The following FSTL5 variants were observed in gnomAD, a reference collection of about 807,000 sequenced individuals.
FSTL5 encodes the protein follistatin like 5.
In FSTL5, 62 loss-of-function variants were observed where a neutral mutation model predicts 89.1. The observed-to-expected ratio is 0.70, with a 90% CI of 0.57 to 0.86. FSTL5 has a LOEUF of 0.86. Ranked by LOEUF, FSTL5 falls within the 40% of genes least tolerant of loss-of-function variation. The probability of loss-of-function intolerance (pLI) is 0.00; values close to 1 mark genes in which losing one functional copy is unlikely to be tolerated. For synonymous variants in FSTL5, 383 were observed against 346.2 expected, an observed-to-expected ratio of 1.11 and a Z score of -1.18; for missense variants, 1,057 against 1,001.6, an observed-to-expected ratio of 1.06 and a Z score of -0.75.
At chr4:161,976,738 C>T (rs1260681109) in intron 3 of FSTL5, among the ~76,000 whole-genome samples, 1 of 152,146 alleles carries the variant, frequency 6.6e-6, no homozygotes, top group Non-Finnish European at 1.5e-5. Flanking sequence ...GCCTCAGCCT[C>T]CCAAAGTGCT....
chr4:161,815,353 T>C (rs1730291165), intron 4 of FSTL5, among the ~76,000 whole-genome samples: 1 of 152,088 alleles, frequency 6.6e-6, no homozygotes, highest in Non-Finnish European at 1.5e-5. Context: ...AAATAGTGTG[T>C]TGCCTCTTTT....
chr4:161,950,628 G>A (rs919646167), intron 3 of FSTL5, among the ~76,000 whole-genome samples: 1 of 152,128 alleles, frequency 6.6e-6, no homozygotes, highest in Non-Finnish European at 1.5e-5. Flanking sequence ...TCTCTCTTCA[G>A]TGTTCTGAAA....
chr4:161,422,710 A>G (rs1370636674), intron 15 of FSTL5, among the ~76,000 whole-genome samples: 1 of 151,994 alleles, frequency 6.6e-6, no homozygotes, highest in African/African-American at 2.4e-5. Flanking sequence ...CAGGACACCT[A>G]AGTACTACTC....
At chr4:161,650,208 A>C (rs548788042) in intron 7 of FSTL5, among the ~76,000 whole-genome samples, 6 of 152,228 alleles carry the variant, frequency 3.9e-5, no homozygotes, top group Non-Finnish European at 5.9e-5. Flanking sequence ...AATAGATAAA[A>C]TTCACATGAT....
chr4:161,809,382 T>C (rs1730072485), intron 4 of FSTL5, among the ~76,000 whole-genome samples: 1 of 152,204 alleles, frequency 6.6e-6, no homozygotes, highest in African/African-American at 2.4e-5. Context: ...TACACGCCTA[T>C]TAGAATGTAA....
At chr4:161,917,562 T>C (rs1420585226) in intron 4 of FSTL5, among the ~76,000 whole-genome samples, 2 of 152,160 alleles carry the variant, frequency 1.3e-5, no homozygotes, top group Non-Finnish European at 2.9e-5. Flanking sequence ...CTTACTAAGA[T>C]TTCCTGTTTT....
At chr4:162,104,444 G>T (rs1452863407) in intron 2 of FSTL5, among the ~76,000 whole-genome samples, 1 of 152,106 alleles carries the variant, frequency 6.6e-6, no homozygotes, top group Non-Finnish European at 1.5e-5. Flanking sequence ...ACCATCTTGG[G>T]AGCTCTGAGA....
At chr4:161,551,140 A>G (rs1026317700) in intron 8 of FSTL5, among the ~76,000 whole-genome samples, 5 of 151,464 alleles carry the variant, frequency 3.3e-5, no homozygotes, top group Non-Finnish European at 5.9e-5. Context: ...CTAGTTCTAG[A>G]TCCCTGAGGA....
At chr4:162,099,671 A>C (rs1730909114) in intron 2 of FSTL5, among the ~76,000 whole-genome samples, 1 of 152,212 alleles carries the variant, frequency 6.6e-6, no homozygotes, top group Non-Finnish European at 1.5e-5. Context: ...TACAAAAGAT[A>C]TATCTGATAA....
At chr4:161,946,205 T>C (rs1396527611) in intron 3 of FSTL5, among the ~76,000 whole-genome samples, 1 of 152,186 alleles carries the variant, frequency 6.6e-6, no homozygotes. Context: ...AAAGTGATGA[T>C]TCTAAATTGT....
chr4:161,850,328 A>G (rs1467130731), intron 4 of FSTL5, among the ~76,000 whole-genome samples: 1 of 152,168 alleles, frequency 6.6e-6, no homozygotes, highest in African/African-American at 2.4e-5. Context: ...GGAAACTAAA[A>G]TTCATTGATT....
chr4:161,602,672 A>G (rs953856473), intron 7 of FSTL5, among the ~76,000 whole-genome samples: 2 of 152,212 alleles, frequency 1.3e-5, no homozygotes, highest in Non-Finnish European at 2.9e-5. Flanking sequence ...GGGCAAATGT[A>G]AAAATTACAA....
chr4:161,404,855 G>GA (rs1254000444), intron 15 of FSTL5, among the ~76,000 whole-genome samples: 4 of 150,026 alleles, frequency 2.7e-5, no homozygotes, highest in Admixed American at 6.6e-5. Context: ...ACCACACCCA[G>GA]AAAAAAAAAG....
chr4:161,674,915 A>G (rs112776290), intron 6 of FSTL5, among the ~76,000 whole-genome samples: 3,744 of 152,186 alleles, frequency 0.025, 158 homozygotes, highest in African/African-American at 0.085. Context: ...CGGGGGCTCC[A>G]CTGGGGATGG....
At chr4:161,808,475 A>G (rs1298809806) in intron 4 of FSTL5, among the ~76,000 whole-genome samples, 3 of 152,200 alleles carry the variant, frequency 2.0e-5, no homozygotes, top group Admixed American at 2.0e-4. Flanking sequence ...GTTTGACTTT[A>G]CCTTTACCAT....
chr4:161,663,158 G>C (rs546567042), intron 6 of FSTL5, among the ~76,000 whole-genome samples: 26 of 152,194 alleles, frequency 1.7e-4, no homozygotes, highest in African/African-American at 5.8e-4. Context: ...TAGGGACACA[G>C]CCAAATCATA....
At chr4:161,419,563 T>C (rs1029295202) in intron 15 of FSTL5, among the ~76,000 whole-genome samples, 2 of 152,176 alleles carry the variant, frequency 1.3e-5, no homozygotes, top group Admixed American at 6.5e-5. Context: ...TACCTTACAG[T>C]TTGCCAACCC....
At chr4:162,087,330 A>C (rs2111347940) in intron 2 of FSTL5, among the ~76,000 whole-genome samples, 1 of 152,224 alleles carries the variant, frequency 6.6e-6, no homozygotes, top group Admixed American at 6.5e-5. Flanking sequence ...TGGGTTCATA[A>C]TTTTCTGCAT....
intron 2 of FSTL5, among the ~76,000 whole-genome samples, chr4:162,086,876 T>C (rs766005406): frequency 6.6e-6 from 1 of 152,114 alleles, no homozygotes; most frequent in Non-Finnish European, 1.5e-5. Context: ...GTATATCTGA[T>C]AGTTTGGTTA....
Sources: allele counts gnomAD v4.1 joint callset (sites outside exome capture counted in the v4.1 genomes callset), GRCh38; gene constraint gnomAD v4.1.1; transcripts MANE v1.5; gene names NCBI Gene and HGNC (gene_info 2026-07-23, HGNC 2026-07-21).